Variants in KDM4C observed in about 807,000 individuals in gnomAD.
The protein encoded by KDM4C is lysine demethylase 4C.
A neutral mutation model predicts 129.3 loss-of-function variants in KDM4C; 81 were observed. That is an observed-to-expected ratio of 0.63 (90% CI 0.52 to 0.75). The LOEUF (loss-of-function observed/expected upper bound fraction) is 0.75. KDM4C is among the 30% of genes least tolerant of loss of function. The pLI is 0.00. For synonymous variants in KDM4C, 573 were observed against 456.1 expected (o/e 1.26, Z -3.26); for missense variants, 1,457 against 1,304.0 (o/e 1.12, Z -1.81).
intron 12 of KDM4C, among the ~76,000 whole-genome samples, chr9:6,991,554 T>C (rs1818750412): frequency 6.6e-6 from 1 of 152,206 alleles, no homozygotes; most frequent in African/African-American, 2.4e-5. Flanking sequence ...AGTCCTTCTC[T>C]GAAGTATTCT....
chr9:7,119,843 A>T (rs1839304491), intron 18 of KDM4C, among the ~76,000 whole-genome samples: 1 of 151,886 alleles, frequency 6.6e-6, no homozygotes, highest in Admixed American at 6.6e-5. Flanking sequence ...GTTTACCTGC[A>T]TTTTCTTTTC....
intron 18 of KDM4C, 137 bp downstream of exon 18, chr9:7,104,007 G>C (rs936420906): frequency 3.9e-6 from 3 of 776,510 alleles, no homozygotes; most frequent in Non-Finnish European, 6.2e-6. Context: ...AGTTCCTTGA[G>C]GGCAGGGATT....
At chr9:7,038,575 A>C (rs1056064669) in intron 15 of KDM4C, among the ~76,000 whole-genome samples, 1 of 152,164 alleles carries the variant, frequency 6.6e-6, no homozygotes, top group Non-Finnish European at 1.5e-5. Flanking sequence ...TTGGCTTCTG[A>C]TAATTCCAGT....
intron 18 of KDM4C, among the ~76,000 whole-genome samples, chr9:7,106,380 T>A (rs1837688450): frequency 6.6e-6 from 1 of 152,230 alleles, no homozygotes; most frequent in East Asian, 1.9e-4. Context: ...TTGAAAGTAA[T>A]AGGCAATTGC....
intron 10 of KDM4C, among the ~76,000 whole-genome samples, chr9:6,984,666 GTT>G (rs36081903): frequency 7.4e-5 from 11 of 147,758 alleles, no homozygotes; most frequent in East Asian, 2.0e-4. Context: ...TCTAAAATGA[GTT>G]TTTTTTTTTT....
rs536135098 is a variant in KDM4C, at chr9:6,888,116, T to G, written c.783+53T>G. 3.8e-5 allele frequency: 36 copies of G among 949,128 alleles called. No homozygotes were observed. In the Admixed American group the frequency reaches 8.9e-4, roughly 23 times the overall value. 58.8% of individuals were successfully genotyped at this position (949,128 alleles called of 1,614,324 possible). On this transcript the variant is annotated intron_variant, in intron 7 of 21. Transcript: ENST00000381309. ...TAATTTTGTTTGTGTAGGATTTGTA[T>G]TTAAGAAGTAATGTATCTTTAACTT...
At chr9:6,824,905 A>G (rs1429784838) in intron 4 of KDM4C, among the ~76,000 whole-genome samples, 2 of 152,102 alleles carry the variant, frequency 1.3e-5, no homozygotes, top group African/African-American at 4.8e-5. Flanking sequence ...GCACTTGGGG[A>G]GGCCGAGGCG....
chr9:7,052,281 A>T (rs1380740621), intron 17 of KDM4C, among the ~76,000 whole-genome samples: 1 of 152,220 alleles, frequency 6.6e-6, no homozygotes, highest in African/African-American at 2.4e-5. Context: ...ACCTGTTCTT[A>T]TGGAAATTGA....
chr9:6,772,414 T>A (rs954464726), intron 1 of KDM4C, among the ~76,000 whole-genome samples: 7 of 151,934 alleles, frequency 4.6e-5, no homozygotes, highest in Admixed American at 3.3e-4. Context: ...CAGGCTGGAG[T>A]GCAATGGCAC....
At chr9:7,086,192 A>T (rs1226472349) in intron 17 of KDM4C, among the ~76,000 whole-genome samples, 1 of 152,150 alleles carries the variant, frequency 6.6e-6, no homozygotes, top group Non-Finnish European at 1.5e-5. Context: ...TTTCCAGCAT[A>T]TTTGATCCTA....
chr9:6,884,522 A>T (rs73639387), intron 6 of KDM4C, among the ~76,000 whole-genome samples: 22,422 of 152,180 alleles, frequency 0.15, 1,907 homozygotes, highest in South Asian at 0.33. Flanking sequence ...CCAGTCATAT[A>T]AAACCACGAT....
intron 4 of KDM4C, among the ~76,000 whole-genome samples, chr9:6,842,475 C>G (rs1467153812): frequency 6.6e-6 from 1 of 151,706 alleles, no homozygotes; most frequent in Non-Finnish European, 1.5e-5. Flanking sequence ...GCTGGGATTA[C>G]AGGCCCACAC....
intron 1 of KDM4C, among the ~76,000 whole-genome samples, chr9:6,738,021 C>G (rs1315538242): frequency 6.6e-6 from 1 of 151,500 alleles, no homozygotes; most frequent in African/African-American, 2.4e-5. Context: ...GTAATTCTAG[C>G]TACTCAGGAG....
upstream of KDM4C, among the ~76,000 whole-genome samples, chr9:6,756,665 C>A (rs942651690): frequency 2.6e-5 from 4 of 152,134 alleles, no homozygotes; most frequent in Admixed American, 6.6e-5. Flanking sequence ...TGCAGTAAGC[C>A]GAGATAGCGC....
intron 8 of KDM4C, among the ~76,000 whole-genome samples, chr9:6,976,415 C>T (rs913861902): frequency 1.3e-4 from 20 of 152,114 alleles, no homozygotes; most frequent in African/African-American, 4.6e-4. Context: ...TATAGAATGT[C>T]TTCCATTTGT....
chr9:7,120,779 A>G (rs1443336056), intron 18 of KDM4C, among the ~76,000 whole-genome samples: 1 of 152,182 alleles, frequency 6.6e-6, no homozygotes, highest in Admixed American at 6.5e-5. Context: ...TTCTTACATC[A>G]TATTTACTGA....
rs1445065558 is a variant in KDM4C, at chr9:7,019,746, TATTTTTATATATAAAAATATA to T, written c.2259+3820_2259+3840del. ...AATATTTTTATATATAAAAATATAA[TATTTTTATATATAAAAATATA>T]ATATTTTTATATATAAAAATATTTT... On this transcript the variant is annotated intron_variant, in intron 15 of 21. Coordinates refer to ENST00000381309, the MANE Select transcript of KDM4C (RefSeq NM_015061.6). Among the ~76,000 whole-genome samples, 575 of 142,184 alleles carry T rather than the reference TATTTTTATATATAAAAATATA, an allele frequency of 4.0e-3. 7 individuals carry two copies. Among genetic ancestry groups the T allele is most frequent in the African/African-American group, 8.7e-3 (336 of 38,694 alleles). The allele number at this position is 142,184 out of a possible 152,430, so 93.3% of individuals were successfully genotyped here.
chr9:6,859,820 G>A (rs574491183), intron 5 of KDM4C, among the ~76,000 whole-genome samples: 6 of 148,038 alleles, frequency 4.1e-5, no homozygotes, highest in Admixed American at 1.3e-4. Flanking sequence ...AGCCGAGATC[G>A]TGCCACTGCA....
intron 8 of KDM4C, 44 bp downstream of exon 8, chr9:6,893,276 C>T (rs765724313): frequency 6.5e-7 from 1 of 1,545,816 alleles, no homozygotes; most frequent in Non-Finnish European, 8.8e-7. Context: ...AATGTGTATT[C>T]TGGTTATTTT....
Sources: gnomAD v4.1 joint callset for allele counts (sites outside exome capture counted in the v4.1 genomes callset) on GRCh38, gnomAD v4.1.1 for gene constraint, MANE v1.5 for transcripts, NCBI Gene and HGNC (gene_info 2026-07-23, HGNC 2026-07-21) for gene names.